Variants in CNTNAP2 observed in about 807,000 individuals in gnomAD.
The protein encoded by CNTNAP2 is contactin associated protein 2, also known as contactin-associated protein-like 2.
CNTNAP2 carries 98 observed loss-of-function variants against 155.2 expected under a neutral mutation model. That is an observed-to-expected ratio of 0.63 (90% confidence interval 0.54 to 0.75). CNTNAP2 has a LOEUF of 0.75. Among genes scored for constraint, CNTNAP2 ranks in the 30% least tolerant of loss-of-function variants. CNTNAP2 has a pLI of 0.00. For synonymous variants in CNTNAP2, 651 were observed against 631.2 expected (o/e 1.03, Z -0.47); for missense variants, 1,727 against 1,688.1 (o/e 1.02, Z -0.40).
chr7:146,181,117 G>A (rs1798543457), intron 1 of CNTNAP2, among the ~76,000 whole-genome samples: 1 of 152,118 alleles, frequency 6.6e-6, no homozygotes, highest in African/African-American at 2.4e-5. Context: ...ATATGCTTCT[G>A]CAAAATGTAC....
Position 147,863,503 on chromosome 7 carries a change from G to A in CNTNAP2, c.2099-40062G>A, listed in dbSNP as rs573503157. ...AGTTCTAGATCCTTAAGGAATTACC[G>A]CACTGTCTTCCACAATGGTTGAACT... is the stretch of plus-strand genomic sequence containing the variant. On this transcript the variant is annotated intron_variant, in intron 13 of 23. Coordinates refer to ENST00000361727, the MANE Select transcript of CNTNAP2 (RefSeq NM_014141.6). Among the ~76,000 whole-genome samples, 7 of 152,200 alleles carry A rather than the reference G, an allele frequency of 4.6e-5. No homozygotes were observed. In the East Asian group the frequency reaches 5.8e-4, roughly 13 times the overall value.
chr7:146,489,778 G>A (rs994567581), intron 1 of CNTNAP2, among the ~76,000 whole-genome samples: 2 of 152,120 alleles, frequency 1.3e-5, no homozygotes, highest in African/African-American at 4.8e-5. Flanking sequence ...TCTCAGCAGA[G>A]AAGGCACGTG....
At chr7:147,197,956 C>T (rs368797013) in intron 8 of CNTNAP2, among the ~76,000 whole-genome samples, 6 of 152,152 alleles carry the variant, frequency 3.9e-5, no homozygotes, top group South Asian at 4.1e-4. Flanking sequence ...TAAGCAAAAG[C>T]GACTTCAGAA....
chr7:147,037,959 T>C (rs1421650915), intron 3 of CNTNAP2, among the ~76,000 whole-genome samples: 1 of 152,116 alleles, frequency 6.6e-6, no homozygotes, highest in East Asian at 1.9e-4. Context: ...AAGCTTCAGT[T>C]AGGAAAATGT....
chr7:146,805,579 A>G (rs1242807933), intron 2 of CNTNAP2, among the ~76,000 whole-genome samples: 1 of 152,190 alleles, frequency 6.6e-6, no homozygotes, highest in Non-Finnish European at 1.5e-5. Flanking sequence ...AGAAGGAAGG[A>G]ACAGCAAGAG....
At chr7:147,182,695 T>G (rs993825577) in intron 8 of CNTNAP2, among the ~76,000 whole-genome samples, 3 of 152,136 alleles carry the variant, frequency 2.0e-5, no homozygotes, top group Non-Finnish European at 4.4e-5. Context: ...CTTTCTTAAA[T>G]GGTATTTTTG....
chr7:148,275,019 T>C (rs1182022012), intron 21 of CNTNAP2, among the ~76,000 whole-genome samples: 2 of 152,220 alleles, frequency 1.3e-5, no homozygotes, highest in Non-Finnish European at 2.9e-5. Flanking sequence ...TCAGCAAATG[T>C]ATACTCATCA....
At chr7:147,808,216 T>A (rs1355909505) in intron 13 of CNTNAP2, among the ~76,000 whole-genome samples, 1 of 152,152 alleles carries the variant, frequency 6.6e-6, no homozygotes, top group Non-Finnish European at 1.5e-5. Context: ...CTTTGCAATT[T>A]GTTAGCTGAG....
At chr7:146,775,440 C>T (rs1386853696) in intron 2 of CNTNAP2, among the ~76,000 whole-genome samples, 3 of 151,772 alleles carry the variant, frequency 2.0e-5, no homozygotes, top group Non-Finnish European at 4.4e-5. Context: ...TTTGTGACTG[C>T]ACCTTAATAC....
At chr7:146,620,099 G>A (rs1441173973) in intron 1 of CNTNAP2, among the ~76,000 whole-genome samples, 2 of 152,024 alleles carry the variant, frequency 1.3e-5, no homozygotes, top group Non-Finnish European at 2.9e-5. Context: ...TGTTCACTGG[G>A]ATGCTTTTCC....
chr7:147,701,401 T>C (rs1283344667), intron 13 of CNTNAP2, among the ~76,000 whole-genome samples: 4 of 152,184 alleles, frequency 2.6e-5, no homozygotes, highest in African/African-American at 7.2e-5. Context: ...ACTTGTATCA[T>C]GTAAGTGTAA....
intron 11 of CNTNAP2, among the ~76,000 whole-genome samples, chr7:147,561,603 CTCTT>C (rs150482295): frequency 0.022 from 3,295 of 152,176 alleles, 114 homozygotes; most frequent in African/African-American, 0.076. Context: ...TCAAGGAAAT[CTCTT>C]TCCTTTTTTT....
chr7:146,125,616 T>C (rs117301502), intron 1 of CNTNAP2, among the ~76,000 whole-genome samples: 2,596 of 150,734 alleles, frequency 0.017, 26 homozygotes, highest in Middle Eastern at 0.035. Context: ...AGAATAACTA[T>C]TTTATTGTGT....
chr7:146,214,186 A>C lies in CNTNAP2; in HGVS notation c.97+97213A>C, dbSNP rs181035418. ...TCATATTCTTTAAAACTCAGACCCC[A>C]CAATACCCAGATCTACTTTTATACA... On this transcript the variant is annotated intron_variant, in intron 1 of 23. Coordinates refer to ENST00000361727, the MANE Select transcript of CNTNAP2 (RefSeq NM_014141.6). 6.0e-4 allele frequency among the ~76,000 whole-genome samples: 91 copies of C among 152,336 alleles called. No individual in the cohort carries two copies. In the East Asian group the frequency reaches 0.014, roughly 24 times the overall value.
chr7:148,128,015 G>A (rs1804750968), intron 16 of CNTNAP2, among the ~76,000 whole-genome samples: 2 of 152,118 alleles, frequency 1.3e-5, no homozygotes, highest in Middle Eastern at 6.8e-3. Context: ...TACCACAGGT[G>A]CACGCCACCA....
At chr7:147,587,478 T>A (rs780399395) in intron 12 of CNTNAP2, among the ~76,000 whole-genome samples, 3 of 152,200 alleles carry the variant, frequency 2.0e-5, no homozygotes, top group Non-Finnish European at 4.4e-5. Flanking sequence ...CATTTCAGCA[T>A]ACTTTACCTC....
At chr7:147,171,754 G>A (rs1241088812) in intron 8 of CNTNAP2, among the ~76,000 whole-genome samples, 3 of 152,016 alleles carry the variant, frequency 2.0e-5, no homozygotes, top group East Asian at 1.9e-4. Flanking sequence ...AAGAAGTTTC[G>A]AGCTTGGAAT....
At chr7:146,690,593 T>C (rs1415121916) in intron 1 of CNTNAP2, among the ~76,000 whole-genome samples, 2 of 152,202 alleles carry the variant, frequency 1.3e-5, no homozygotes, top group East Asian at 3.8e-4. Flanking sequence ...AGTTGTTTTA[T>C]GCGTATGATA....
At chr7:146,239,818 G>C (rs1363004803) in intron 1 of CNTNAP2, among the ~76,000 whole-genome samples, 1 of 152,074 alleles carries the variant, frequency 6.6e-6, no homozygotes, top group African/African-American at 2.4e-5. Context: ...ACTGAACCAG[G>C]TTATCTTCCA....
Sources: allele counts gnomAD v4.1 joint callset (sites outside exome capture counted in the v4.1 genomes callset), GRCh38; gene constraint gnomAD v4.1.1; transcripts MANE v1.5; gene names NCBI Gene and HGNC (gene_info 2026-07-23, HGNC 2026-07-21).